The following CHEK2 variants were observed in gnomAD, a reference collection of about 807,000 sequenced individuals.
CHEK2 encodes the protein checkpoint kinase 2, also known as serine/threonine-protein kinase Chk2.
In CHEK2, 71 loss-of-function variants were observed where a neutral mutation model predicts 69.1. That is an observed-to-expected ratio of 1.03 (90% CI 0.85 to 1.25). The LOEUF is 1.25. Among genes scored for constraint, CHEK2 ranks in the 50% most tolerant of loss-of-function variants. CHEK2 has a pLI of 0.00. For missense variants in CHEK2, 664 were observed against 649.6 expected, an observed-to-expected ratio of 1.02 and a Z score of -0.24; for synonymous variants, 189 against 226.9, an observed-to-expected ratio of 0.83 and a Z score of 1.50.
chr22:28,731,294 AAAT>A (rs556629878), intron 2 of CHEK2, among the ~76,000 whole-genome samples: 72 of 152,178 alleles, frequency 4.7e-4, no homozygotes, highest in Non-Finnish European at 9.0e-4. Context: ...AATAATTAAC[AAAT>A]AATAATAATA....
intron 5 of CHEK2, among the ~76,000 whole-genome samples, chr22:28,716,774 C>G (rs1320256829): frequency 1.3e-5 from 2 of 152,106 alleles, no homozygotes; most frequent in African/African-American, 4.8e-5. Flanking sequence ...TGATACTTTC[C>G]TAAAGAAATG....
intron 4 of CHEK2, among the ~76,000 whole-genome samples, chr22:28,723,805 C>G (rs1225920224): frequency 6.6e-6 from 1 of 150,780 alleles, no homozygotes; most frequent in African/African-American, 2.4e-5. Flanking sequence ...AAAAATTAGC[C>G]AGGCGTGGTG....
intron 11 of CHEK2, 107 bp from the exon 12 acceptor site, chr22:28,695,349 T>C (rs1372644927): frequency 6.7e-6 from 5 of 745,436 alleles, no homozygotes; most frequent in East Asian, 2.7e-5. Flanking sequence ...GATTTTTCTT[T>C]AAATCAATGG....
chr22:28,700,574 A>G (rs1206244487), intron 8 of CHEK2, among the ~76,000 whole-genome samples: 1 of 152,092 alleles, frequency 6.6e-6, no homozygotes. Context: ...TAGAAGAGCA[A>G]ACAGAATTTT....
chr22:28,727,594 A>G (rs1019720110), intron 2 of CHEK2, among the ~76,000 whole-genome samples: 1 of 152,218 alleles, frequency 6.6e-6, no homozygotes, highest in African/African-American at 2.4e-5. Flanking sequence ...TAGGGAAAAT[A>G]CTAGCAACTC....
At chr22:28,712,156 C>G in intron 5 of CHEK2, 139 bp from the exon 6 acceptor site, 1 of 682,168 alleles carries the variant, frequency 1.5e-6, no homozygotes, top group Non-Finnish European at 2.6e-6. Context: ...GCAGAGGACA[C>G]AGTGAAACTT....
At chr22:28,697,132 GT>G in intron 9 of CHEK2, 145 bp from the exon 10 acceptor site, 1 of 674,286 alleles carries the variant, frequency 1.5e-6, no homozygotes, top group Non-Finnish European at 2.7e-6. Flanking sequence ...ATAGAAAACT[GT>G]TGGGGTAAAG....
In CHEK2 at chr22:28,725,055, T is replaced by C. The variant is rs786203836; in HGVS notation, c.514A>G (p.Thr172Ala). Residue 172 changes from threonine to alanine, a missense_variant, in exon 4 of 15, where the codon ACA becomes GCA. Thr to Ala is a moderately conservative substitution (Grantham distance 58). Transcript: ENST00000404276. ...CGTTTTCCTTTCCCTACAAGCTCTG[T>C]ATTTACAAAGGTTCCATTGCCACTG... ...DHSGNGTFVNTELVGKGKRRP... is the reference protein window; with the variant it reads ...DHSGNGTFVNAELVGKGKRRP... The C allele has an allele frequency of 6.2e-7, 1 of 1,614,142 alleles. No individual in the cohort carries two copies. The highest frequency in any genetic ancestry group is 8.5e-7 in the Non-Finnish European group (1 of 1,179,992).
chr22:28,697,117 A>G, intron 9 of CHEK2, 130 bp from the exon 10 acceptor site: 1 of 687,476 alleles, frequency 1.5e-6, no homozygotes, highest in East Asian at 2.7e-5. Flanking sequence ...ATATTCTCCA[A>G]AATCATAGAA....
intron 9 of CHEK2, among the ~76,000 whole-genome samples, chr22:28,698,909 AAG>A (rs2052702872): frequency 6.6e-6 from 1 of 152,152 alleles, no homozygotes; most frequent in Non-Finnish European, 1.5e-5. Flanking sequence ...ACTCTGAGTT[AAG>A]AGAGACTTCT....
chr22:28,699,002 G>A (rs917876498), intron 9 of CHEK2, among the ~76,000 whole-genome samples: 2 of 151,970 alleles, frequency 1.3e-5, no homozygotes, highest in Non-Finnish European at 2.9e-5. Context: ...GCGACATAGG[G>A]CCATGTTATC....
chr22:28,710,597 T>C (rs1336814431), intron 6 of CHEK2, among the ~76,000 whole-genome samples: 1 of 152,228 alleles, frequency 6.6e-6, no homozygotes, highest in Non-Finnish European at 1.5e-5. Context: ...GCCTCGCATA[T>C]TTACTGAGAC....
rs908534037 is a variant in CHEK2 at position 28,712,303 on chromosome 22, A to G, written c.684-286T>C. 1.0e-4 allele frequency: 44 copies of G among 425,904 alleles called. No homozygotes were observed. In the East Asian group the frequency reaches 1.6e-3, roughly 15 times the overall value. The allele number at this position is 425,904 out of a possible 1,614,324, so 26.4% of individuals were successfully genotyped here. On this transcript the variant is annotated intron_variant, in intron 5 of 14. Coordinates refer to ENST00000404276, the MANE Select transcript of CHEK2 (RefSeq NM_007194.4). ...AAATTCCCAGAAAGATACTAAGAGA[A>G]AAATGAGAGAGAAACTACGTATCCG...
At chr22:28,720,985 T>A (rs2053754253) in intron 4 of CHEK2, among the ~76,000 whole-genome samples, 1 of 152,204 alleles carries the variant, frequency 6.6e-6, no homozygotes, top group African/African-American at 2.4e-5. Flanking sequence ...AGGCAGCCTC[T>A]ACTCAGTGCC....
At chr22:28,741,133 A>G (rs1392876321) in intron 1 of CHEK2, among the ~76,000 whole-genome samples, 1 of 142,472 alleles carries the variant, frequency 7.0e-6, no homozygotes, top group Non-Finnish European at 1.5e-5. Context: ...CTGGCAACAG[A>G]GAGAGACTCC....
intron 2 of CHEK2, among the ~76,000 whole-genome samples, chr22:28,729,805 T>C (rs2054139405): frequency 6.6e-6 from 1 of 152,246 alleles, no homozygotes; most frequent in East Asian, 1.9e-4. Flanking sequence ...TCTTGCTCTG[T>C]GGCCTGCAAT....
In CHEK2 at chr22:28,730,549, C is replaced by G. The variant is rs748513087; in HGVS notation, c.319+3854G>C. 3 of 694,318 alleles carry G rather than the reference C, an allele frequency of 4.3e-6. No individual in the cohort carries two copies. In the African/African-American group the frequency reaches 5.3e-5, roughly 12 times the overall value. 43.0% of individuals were successfully genotyped at this position (694,318 alleles called of 1,614,324 possible). ...TGGGTAACATGGCCAGACTCTGTCT[C>G]TACAAAAAATAAAAATAAAAAAGTT... On this transcript the variant is annotated intron_variant, in intron 2 of 14. Transcript: ENST00000404276.
intron 4 of CHEK2, among the ~76,000 whole-genome samples, chr22:28,721,281 G>GC (rs2053766040): frequency 8.2e-5 from 9 of 109,948 alleles, no homozygotes; most frequent in African/African-American, 2.8e-4. Context: ...GTTTGTTTGG[G>GC]TTTTTTTTTT....
intron 7 of CHEK2, 148 bp from the exon 8 acceptor site, chr22:28,703,714 G>C: frequency 1.5e-6 from 1 of 646,092 alleles, no homozygotes. Context: ...TCAATCAGGG[G>C]AGAAGGCAGA....
Sources: gnomAD v4.1 joint callset for allele counts (sites outside exome capture counted in the v4.1 genomes callset) on GRCh38, gnomAD v4.1.1 for gene constraint, MANE v1.5 for transcripts, NCBI Gene and HGNC (gene_info 2026-07-23, HGNC 2026-07-21) for gene names.